The following CSE1L variants were observed in gnomAD, a reference collection of about 807,000 sequenced individuals.
CSE1L encodes exportin-2.
In CSE1L, 24 loss-of-function variants were observed where a neutral mutation model predicts 120.4. The ratio of observed to expected loss-of-function variants is 0.20; its 90% confidence interval spans 0.14 to 0.28. The LOEUF (loss-of-function observed/expected upper bound fraction) is 0.28, where lower values mean the gene tolerates loss of function less well. CSE1L is among the 10% of genes least tolerant of loss of function. CSE1L has a pLI of 1.00. For missense variants in CSE1L, 830 were observed against 1,145.2 expected (o/e 0.72, Z 3.97); for synonymous variants, 402 against 398.3 (o/e 1.01, Z -0.11).
intron 24 of CSE1L, 115 bp from the exon 25 acceptor site, chr20:49,096,234 A>T: frequency 2.4e-6 from 2 of 821,046 alleles, no homozygotes; most frequent in Non-Finnish European, 4.2e-6. Context: ...GATGGTGATT[A>T]ATGACTTGAC....
At chr20:49,091,724 A>G (rs1050354339) in intron 21 of CSE1L, among the ~76,000 whole-genome samples, 1 of 152,222 alleles carries the variant, frequency 6.6e-6, no homozygotes, top group Non-Finnish European at 1.5e-5. Flanking sequence ...TTCTCACAAG[A>G]AAAAAGAAAA....
In CSE1L at chr20:49,072,316, T is replaced by C. The variant is rs1443908131; in HGVS notation, c.799T>C (p.Leu267=). 1 of 1,614,188 alleles carries C rather than the reference T, an allele frequency of 6.2e-7. No individual in the cohort carries two copies. The highest frequency in any genetic ancestry group is 8.5e-7 in the Non-Finnish European group (1 of 1,180,028). ...DEEEAGLLEL[L]KSQICDNAAL... ...AGAGGAAGCCGGCTTATTGGAGCTC[T>C]TAAAATCCCAGATTTGTGATAATGC... The change falls in exon 9 of 25, where the codon TTA becomes CTA. Residue 267 remains leucine (L), a synonymous_variant. Transcript: ENST00000262982.
chr20:49,092,828 A>C (rs1008075408), intron 22 of CSE1L, among the ~76,000 whole-genome samples: 40 of 151,986 alleles, frequency 2.6e-4, no homozygotes, highest in African/African-American at 7.0e-4. Context: ...AAAAAAAAAA[A>C]CCAGAATTTT....
At chr20:49,052,027 T>G (rs2091769916) in intron 1 of CSE1L, among the ~76,000 whole-genome samples, 1 of 152,230 alleles carries the variant, frequency 6.6e-6, no homozygotes. Flanking sequence ...TTTCTTGAAG[T>G]ACTTTTGAAT....
intron 10 of CSE1L, 75 bp downstream of exon 10, chr20:49,072,772 T>G: frequency 7.4e-7 from 1 of 1,357,678 alleles, no homozygotes; most frequent in Non-Finnish European, 9.9e-7. Context: ...TCAGTCTAAT[T>G]CATTTATTAC....
At chr20:49,048,144 C>CT (rs1369012581) in intron 1 of CSE1L, among the ~76,000 whole-genome samples, 1 of 136,982 alleles carries the variant, frequency 7.3e-6, no homozygotes, top group Admixed American at 7.1e-5. Context: ...GTGTGTCTCT[C>CT]TCTTTTTTTT....
At chr20:49,079,660 A>C (rs1050896448) in intron 14 of CSE1L, among the ~76,000 whole-genome samples, 1 of 152,142 alleles carries the variant, frequency 6.6e-6, no homozygotes, top group Non-Finnish European at 1.5e-5. Flanking sequence ...ACGCCTGAAT[A>C]TCCCAAAATT....
At chr20:49,088,829 C>T (rs1245944526) in intron 17 of CSE1L, among the ~76,000 whole-genome samples, 1 of 152,008 alleles carries the variant, frequency 6.6e-6, no homozygotes, top group Non-Finnish European at 1.5e-5. Flanking sequence ...ATGCTAGTAG[C>T]CTTCCAAGAA....
intron 19 of CSE1L, 36 bp downstream of exon 19, chr20:49,089,782 A>G: frequency 6.3e-7 from 1 of 1,583,972 alleles, no homozygotes; most frequent in South Asian, 1.1e-5. Flanking sequence ...AATTTTATAA[A>G]GTAGCTTGGA....
chr20:49,050,433 G>A (rs1385426869), intron 1 of CSE1L, among the ~76,000 whole-genome samples: 2 of 49,750 alleles, frequency 4.0e-5, no homozygotes, highest in Non-Finnish European at 7.5e-5. Flanking sequence ...TTTCACTTTT[G>A]TTGCCCAGGC....
intron 3 of CSE1L, among the ~76,000 whole-genome samples, chr20:49,063,553 G>A (rs1476509591): frequency 6.6e-6 from 1 of 151,956 alleles, no homozygotes; most frequent in African/African-American, 2.4e-5. Flanking sequence ...ATGAGACCTT[G>A]TCTCAAAAAA....
chr20:49,090,938 G>C lies in CSE1L; in HGVS notation c.2281G>C (p.Glu761Gln), dbSNP rs201854045. 79 of 1,603,876 alleles carry C rather than the reference G, an allele frequency of 4.9e-5. No homozygotes were observed. Among genetic ancestry groups the C allele is most frequent in the Admixed American group, 4.6e-4 (27 of 58,760 alleles). Reference protein sequence around the residue: ...LNSIIEHMPPESVDQYRKQIF... With the variant: ...LNSIIEHMPPQSVDQYRKQIF... The stretch of plus-strand genomic sequence containing the variant: ...TGTTGATTTTTTTTAATTCTTTAGT[G>C]AATCAGTTGACCAATATAGGAAACA... Residue 761 changes from glutamate (E) to glutamine (Q), a missense_variant and splice_region_variant, in exon 21 of 25, where the codon GAA becomes CAA. This residue lies in a region of CSE1L where 168 missense variants were observed against 267.9 expected (regional missense o/e 0.63). Coordinates refer to ENST00000262982, the MANE Select transcript of CSE1L (RefSeq NM_001316.4).
intron 10 of CSE1L, among the ~76,000 whole-genome samples, chr20:49,073,547 A>C (rs1237881664): frequency 6.6e-6 from 1 of 152,048 alleles, no homozygotes; most frequent in African/African-American, 2.4e-5. Flanking sequence ...GTGCAGTAGC[A>C]CAGTTATGGC....
intron 14 of CSE1L, 100 bp downstream of exon 14, chr20:49,078,722 T>C: frequency 1.5e-6 from 1 of 670,702 alleles, no homozygotes; most frequent in Non-Finnish European, 2.4e-6. Context: ...TATCCACATC[T>C]AACAAAATTA....
rs114452034 is a variant in CSE1L at position 49,075,218 on chromosome 20, G to A, written c.1133-100G>A. The A allele has an allele frequency of 9.7e-4, 931 of 962,902 alleles. 6 individuals are homozygous for A. In the African/African-American group the frequency reaches 0.013, roughly 13 times the overall value. The allele number at this position is 962,902 out of a possible 1,614,324, so 59.6% of individuals were successfully genotyped here. The stretch of plus-strand genomic sequence containing the variant: ...GTTCTTTTTTTTCCGTTTTACAATC[G>A]TAGCCAAATTATTCCAGGCAATTTG... On this transcript the variant is annotated intron_variant, in intron 11 of 24. Coordinates refer to ENST00000262982, the MANE Select transcript of CSE1L (RefSeq NM_001316.4).
At chr20:49,095,384 G>C (rs182483072) in intron 24 of CSE1L, among the ~76,000 whole-genome samples, 116 of 152,140 alleles carry the variant, frequency 7.6e-4, no homozygotes, top group African/African-American at 2.6e-3. Flanking sequence ...GAATGCAGTA[G>C]TACGATTATG....
chr20:49,078,780 C>A (rs1379435627), intron 14 of CSE1L, among the ~76,000 whole-genome samples, 158 bp downstream of exon 14: 2 of 152,114 alleles, frequency 1.3e-5, no homozygotes, highest in Non-Finnish European at 2.9e-5. Context: ...CTTAATTTTC[C>A]TCAGATGTCT....
chr20:49,054,984 C>T lies in CSE1L; in HGVS notation c.-11-3469C>T, dbSNP rs535573548. On this transcript the variant is annotated intron_variant, in intron 1 of 24. Transcript: ENST00000262982. ...AAACTCTTGGATGGCCACATAACCC[C>T]GTGACTCCCTTCTTAATTTTCTAAC... is the stretch of plus-strand genomic sequence containing the variant. Among the ~76,000 whole-genome samples, 7 of 152,340 alleles carry T rather than the reference C, an allele frequency of 4.6e-5. No homozygotes were observed. The East Asian group carries it at 9.6e-4, about 21-fold the overall frequency.
chr20:49,072,775 T>G, intron 10 of CSE1L, 78 bp downstream of exon 10: 1 of 1,321,072 alleles, frequency 7.6e-7, no homozygotes, highest in Non-Finnish European at 1.0e-6. Context: ...GTCTAATTCA[T>G]TTATTACTGG....
Sources: gnomAD v4.1 joint callset for allele counts (sites outside exome capture counted in the v4.1 genomes callset) on GRCh38, gnomAD v4.1.1 for gene constraint, gnomAD v4.1.1 regional missense constraint, MANE v1.5 for transcripts, NCBI Gene and HGNC (gene_info 2026-07-23, HGNC 2026-07-21) for gene names.